Variants in CUX2 observed in about 807,000 individuals in gnomAD.
The protein encoded by CUX2 is homeobox protein cut-like 2.
CUX2 carries 40 observed loss-of-function variants against 144.8 expected under a neutral mutation model. The ratio of observed to expected loss-of-function variants is 0.28; its 90% confidence interval spans 0.21 to 0.36. CUX2 has a LOEUF of 0.36. Ranked by LOEUF, CUX2 falls within the 10% of genes least tolerant of loss-of-function variation. CUX2 has a pLI of 1.00. For missense variants in CUX2, 1,615 were observed against 1,994.0 expected (o/e 0.81, Z 3.62); for synonymous variants, 827 against 875.6 (o/e 0.94, Z 0.98).
At chr12:111,209,321 G>A (rs1010780814) in intron 1 of CUX2, among the ~76,000 whole-genome samples, 4 of 152,170 alleles carry the variant, frequency 2.6e-5, no homozygotes, top group Non-Finnish European at 5.9e-5. Flanking sequence ...CTGAGCCTGG[G>A]AAGTGAAGGC....
rs201720614 is a variant in CUX2, at chr12:111,034,190, G to A, written c.13G>A (p.Val5Met). 82 of 1,401,156 alleles carry A rather than the reference G, an allele frequency of 5.9e-5. No individual in the cohort carries two copies. In the African/African-American group the frequency reaches 1.1e-3, roughly 19 times the overall value. 86.8% of individuals were successfully genotyped at this position (1,401,156 alleles called of 1,614,324 possible). MAAN[V>M]GSMFQYWKRF... The stretch of plus-strand genomic sequence containing the variant: ...GATAGCCCCCAAGATGGCCGCCAAT[G>A]TGGGATCGATGTTTCAATATTGGAA... Residue 5 changes from valine to methionine, a missense_variant, in exon 1 of 22, where the codon GTG becomes ATG. Val to Met is a conservative substitution (Grantham distance 21). This residue lies in a region of CUX2 where 64 missense variants were observed against 64.9 expected (regional missense o/e 0.99). Coordinates refer to ENST00000261726, the MANE Select transcript of CUX2 (RefSeq NM_015267.4). This position sits in a 1 kb window ranked among gnomAD's most constrained non-coding sequence, Gnocchi z 4.2.
rs552735707 is a variant in CUX2, at chr12:111,057,474, C to T, written c.63+23234C>T. The stretch of plus-strand genomic sequence containing the variant: ...AGGGCCCTAGATGCTGACAGCACCA[C>T]CTTTCCTTGCTTTCCAAGCTGCCCT... On this transcript the variant is annotated intron_variant, in intron 1 of 21. Transcript: ENST00000261726. The surrounding 1 kb of genome is among the most constrained non-coding windows in gnomAD (Gnocchi z 5.1). 2.4e-4 allele frequency among the ~76,000 whole-genome samples: 36 copies of T among 152,260 alleles called. No homozygotes were observed. The highest frequency in any genetic ancestry group is 8.2e-4 in the African/African-American group (34 of 41,534).
intron 1 of CUX2, among the ~76,000 whole-genome samples, chr12:111,102,927 C>T (rs546377873): frequency 6.6e-6 from 1 of 152,204 alleles, no homozygotes; most frequent in South Asian, 2.1e-4. Context: ...AGGTGATATT[C>T]CTTACCAGTT....
At chr12:111,297,080 C>T (rs954041724) in intron 8 of CUX2, among the ~76,000 whole-genome samples, 5 of 150,508 alleles carry the variant, frequency 3.3e-5, no homozygotes, top group African/African-American at 9.8e-5. Context: ...TCTCTCTGAC[C>T]CTCCAGTACT....
At chr12:111,112,582 T>C (rs1315244702) in intron 1 of CUX2, among the ~76,000 whole-genome samples, 2 of 151,984 alleles carry the variant, frequency 1.3e-5, no homozygotes, top group South Asian at 2.1e-4. Context: ...GGGGGAACTT[T>C]TGGACAAGCT....
At chr12:111,187,186 G>A (rs551998455) in intron 1 of CUX2, among the ~76,000 whole-genome samples, 12 of 152,262 alleles carry the variant, frequency 7.9e-5, no homozygotes, top group African/African-American at 1.4e-4. Flanking sequence ...GGCGTTATTC[G>A]TGCTTCCTGC....
intron 10 of CUX2, among the ~76,000 whole-genome samples, chr12:111,306,010 G>A (rs770232502): frequency 2.0e-5 from 3 of 152,152 alleles, no homozygotes; most frequent in Non-Finnish European, 2.9e-5. Flanking sequence ...ATGTTCCTGG[G>A]TGACGGCATA....
In CUX2 at chr12:111,190,618, C is replaced by T. The variant is rs1046452304; in HGVS notation, c.64-23582C>T. ...CCTGGACATCCAGAGAGACGCCTGG[C>T]ATTTTTAGCTGATCAATAGACCCTT... On this transcript the variant is annotated intron_variant, in intron 1 of 21. Coordinates refer to ENST00000261726, the MANE Select transcript of CUX2 (RefSeq NM_015267.4). This position sits in a 1 kb window ranked among gnomAD's most constrained non-coding sequence, Gnocchi z 4.0. 6.6e-6 allele frequency among the ~76,000 whole-genome samples: 1 copy of T among 152,224 alleles called. No individual in the cohort carries two copies. The highest frequency in any genetic ancestry group is 1.5e-5 in the Non-Finnish European group (1 of 68,050).
At chr12:111,242,444 A>G (rs1730381112) in intron 3 of CUX2, among the ~76,000 whole-genome samples, 1 of 152,220 alleles carries the variant, frequency 6.6e-6, no homozygotes, top group African/African-American at 2.4e-5. Context: ...TGCAACAGAG[A>G]TCAGGTGGCC....
At chr12:111,106,523 C>G (rs2136076393) in intron 1 of CUX2, among the ~76,000 whole-genome samples, 1 of 152,338 alleles carries the variant, frequency 6.6e-6, no homozygotes, top group Non-Finnish European at 1.5e-5. Context: ...GTCTCAAACT[C>G]TTGGGCTCAA....
At position 111,308,452 on chromosome 12, in the gene CUX2, T is replaced by G; in HGVS notation, c.1184T>G (p.Leu395Arg). The change falls in exon 14 of 22, where the codon CTG (leucine) becomes CGG (arginine). Residue 395 changes from leucine (L) to arginine (R), a missense_variant. Leu to Arg is a moderately radical substitution (Grantham distance 102, BLOSUM62 -2). This residue lies in a region of CUX2 where 57 missense variants were observed against 60.8 expected (regional missense o/e 0.94). Coordinates refer to ENST00000261726, the MANE Select transcript of CUX2 (RefSeq NM_015267.4). Reference sequence around the variant, plus strand: ...GGCATGGCCAAGCCTGAAGACTCACTGCTTATTGCAAAGGAGGCCTTCTTC... The same window carrying G: ...GGCATGGCCAAGCCTGAAGACTCACGGCTTATTGCAAAGGAGGCCTTCTTC... ...PQGMAKPEDS[L>R]LIAKEAFFPT... 6.2e-7 allele frequency: 1 copy of G among 1,614,156 alleles called. No homozygotes were observed. The highest frequency in any genetic ancestry group is 1.7e-5 in the Admixed American group (1 of 60,016).
intron 1 of CUX2, among the ~76,000 whole-genome samples, chr12:111,088,432 CAAAAT>C (rs1175321492): frequency 5.9e-5 from 9 of 151,900 alleles, no homozygotes; most frequent in Admixed American, 5.9e-4. Flanking sequence ...GCAATTATCT[CAAAAT>C]AAAAAGTTCA....
chr12:111,069,540 G>GTGTA (rs1566199215), intron 1 of CUX2, among the ~76,000 whole-genome samples: 5 of 141,710 alleles, frequency 3.5e-5, no homozygotes, highest in African/African-American at 1.6e-4. Context: ...GTGTGTGTGT[G>GTGTA]TGTGTGTGTG....
intron 4 of CUX2, among the ~76,000 whole-genome samples, chr12:111,273,674 C>T (rs1592906086): frequency 6.6e-6 from 1 of 152,160 alleles, no homozygotes; most frequent in African/African-American, 2.4e-5. Flanking sequence ...GACAGTCACA[C>T]AGCTCCCAAC....
chr12:111,036,437 C>A (rs1869449743), intron 1 of CUX2, among the ~76,000 whole-genome samples: 2 of 152,134 alleles, frequency 1.3e-5, no homozygotes, highest in Non-Finnish European at 2.9e-5. Context: ...TTTTGTGGAA[C>A]GGTTGAGGTC....
At chr12:111,228,082 C>T (rs550886651) in intron 3 of CUX2, among the ~76,000 whole-genome samples, 1 of 152,322 alleles carries the variant, frequency 6.6e-6, no homozygotes, top group African/African-American at 2.4e-5. Context: ...TGGAGCCCCA[C>T]TATATGCAGA....
In CUX2 at chr12:111,341,934, G is replaced by A; in HGVS notation, c.3540G>A (p.Lys1180=). Residue 1180 remains lysine (K), a synonymous_variant, in exon 21 of 22, where the codon AAG becomes AAA. Transcript: ENST00000261726. ...KPRVVLAPEE[K]EALRKAYQLE... ...GGGTGGTGCTGGCACCCGAGGAGAA[G>A]GAGGCACTGCGGAAGGCCTATCAGC... The A allele has an allele frequency of 1.2e-6, 2 of 1,614,138 alleles. No homozygotes were observed. The highest frequency in any genetic ancestry group is 1.6e-4 in the Middle Eastern group (1 of 6,062).
chr12:111,291,147 G>A (rs900171136), intron 4 of CUX2, among the ~76,000 whole-genome samples: 1 of 152,170 alleles, frequency 6.6e-6, no homozygotes. Context: ...TTACAGGCAT[G>A]AGCCACCGCA....
chr12:111,338,262 A>T, intron 19 of CUX2, 24 bp from the exon 20 acceptor site: 1 of 1,579,726 alleles, frequency 6.3e-7, no homozygotes, highest in Non-Finnish European at 8.6e-7. Flanking sequence ...CGGGTAACAG[A>T]TTGCTCCCCT....
Sources: allele counts gnomAD v4.1 joint callset (sites outside exome capture counted in the v4.1 genomes callset), GRCh38; gene constraint gnomAD v4.1.1; regional missense constraint gnomAD v4.1.1; non-coding constraint Gnocchi (gnomAD v3.1); transcripts MANE v1.5; gene names NCBI Gene and HGNC (gene_info 2026-07-23, HGNC 2026-07-21).